Variants in ZNF711 observed in about 807,000 individuals in gnomAD.
The protein encoded by ZNF711 is zinc finger protein 711.
A neutral mutation model predicts 43.5 loss-of-function variants in ZNF711; 3 were observed. The ratio of observed to expected loss-of-function variants is 0.07; its 90% confidence interval spans 0.03 to 0.18. The LOEUF (loss-of-function observed/expected upper bound fraction) is 0.18, where lower values mean the gene tolerates loss of function less well. ZNF711 is among the 10% of genes least tolerant of loss of function. The pLI, the probability that ZNF711 is intolerant of heterozygous loss-of-function variation, is 1.00. For missense variants in ZNF711, 412 were observed against 604.0 expected (o/e 0.68, Z 3.33); for synonymous variants, 209 against 207.7 (o/e 1.01, Z -0.06).
intron 2 of ZNF711, 122 bp downstream of exon 2, chrX:85,246,144 C>T (rs1299406991): frequency 8.9e-6 from 1 of 112,091 alleles, no homozygotes; most frequent in African/African-American, 3.2e-5. Context: ...AGTAATTACT[C>T]TAATTAAAAT....
chrX:85,251,281 T>A (rs73627340), intron 4 of ZNF711, among the ~76,000 whole-genome samples: 2,130 of 112,000 alleles, frequency 0.019, 47 homozygotes, highest in African/African-American at 0.065. Context: ...CCAATTTATT[T>A]TGAAGAATAT....
At chrX:85,256,462 T>C (rs949418992) in intron 5 of ZNF711, among the ~76,000 whole-genome samples, 1 of 111,997 alleles carries the variant, frequency 8.9e-6, no homozygotes, top group African/African-American at 3.2e-5. Flanking sequence ...AAATAAAAAA[T>C]ATCTTGATAA....
chrX:85,251,024 C>G (rs764678160), intron 4 of ZNF711, among the ~76,000 whole-genome samples: 9 of 111,272 alleles, frequency 8.1e-5, no homozygotes, highest in African/African-American at 2.9e-4. Flanking sequence ...ATTTTACCTC[C>G]CTGTTAAAAT....
intron 5 of ZNF711, among the ~76,000 whole-genome samples, chrX:85,260,168 T>G (rs1436252462): frequency 9.0e-6 from 1 of 111,569 alleles, no homozygotes; most frequent in Non-Finnish European, 1.9e-5. Flanking sequence ...TTTTTGCTTG[T>G]AATTCTGTTT....
intron 8 of ZNF711, 105 bp from the exon 9 acceptor site, chrX:85,268,189 G>A: frequency 2.0e-6 from 2 of 996,095 alleles, no homozygotes; most frequent in Non-Finnish European, 2.7e-6. Context: ...CCAAGGAATG[G>A]TGGGCAAAGT....
rs192237599 is a variant in ZNF711 at position 85,250,359 on chromosome X, G to A, written c.79+2708G>A. On this transcript the variant is annotated intron_variant, in intron 4 of 10. Transcript: ENST00000674551. Reference sequence around the variant, plus strand: ...TAAATATGTAGAAAGTAAGATTTTCGTTCACTATCCCCTCCCTTTTTAGAA... The same window carrying A: ...TAAATATGTAGAAAGTAAGATTTTCATTCACTATCCCCTCCCTTTTTAGAA... Among the ~76,000 whole-genome samples, 350 of 111,193 alleles carry A rather than the reference G, an allele frequency of 3.1e-3. 1 individual carries two copies. The highest frequency in any genetic ancestry group is 0.011 in the African/African-American group (337 of 30,681).
At chrX:85,256,641 GTGTGTGTA>G (rs1930170334) in intron 5 of ZNF711, among the ~76,000 whole-genome samples, 1 of 111,079 alleles carries the variant, frequency 9.0e-6, no homozygotes, top group Non-Finnish European at 1.9e-5. Context: ...GGTAGAGTGT[GTGTGTGTA>G]TGTGTGTATA....
intron 5 of ZNF711, among the ~76,000 whole-genome samples, chrX:85,259,506 T>A (rs1930455255): frequency 8.9e-6 from 1 of 111,844 alleles, no homozygotes; most frequent in Non-Finnish European, 1.9e-5. Flanking sequence ...ATTTTAATGA[T>A]ATTGATTCTT....
intron 5 of ZNF711, among the ~76,000 whole-genome samples, chrX:85,263,156 G>T (rs1602989054): frequency 9.1e-6 from 1 of 110,382 alleles, no homozygotes; most frequent in African/African-American, 3.3e-5. Flanking sequence ...TATTTAGGAG[G>T]CATATATTGT....
At chrX:85,266,866 A>G (rs1414418120) in intron 7 of ZNF711, among the ~76,000 whole-genome samples, 1 of 107,141 alleles carries the variant, frequency 9.3e-6, no homozygotes, top group Non-Finnish European at 1.9e-5. Flanking sequence ...TTACATGTAT[A>G]GTACTGCATT....
At chrX:85,250,291 G>T (rs1929445824) in intron 4 of ZNF711, among the ~76,000 whole-genome samples, 1 of 110,910 alleles carries the variant, frequency 9.0e-6, no homozygotes, top group African/African-American at 3.3e-5. Flanking sequence ...GAATTGAGGA[G>T]AATATATATA....
At chrX:85,256,901 G>A (rs1930191635) in intron 5 of ZNF711, among the ~76,000 whole-genome samples, 1 of 111,149 alleles carries the variant, frequency 9.0e-6, no homozygotes, top group African/African-American at 3.3e-5. Context: ...ATCTTAACGT[G>A]GCATTTTTTA....
At position 85,255,337 on chromosome X, in the gene ZNF711, A is replaced by G. The variant is rs1177498739; in HGVS notation, c.158A>G (p.Asp53Gly). 6 of 1,209,572 alleles carry G rather than the reference A, an allele frequency of 5.0e-6. No individual in the cohort carries two copies. Among genetic ancestry groups the G allele is most frequent in the Non-Finnish European group, 6.7e-6 (6 of 895,043 alleles). ...VSVPEAVLVS[D>G]VVTDDGITLD... Reference sequence around the variant, plus strand: ...GTTCCTGAAGCTGTTTTAGTTTCTGATGTTGTCACAGATGATGGGATAACT... The same window carrying G: ...GTTCCTGAAGCTGTTTTAGTTTCTGGTGTTGTCACAGATGATGGGATAACT... The change falls in exon 5 of 11, where the codon GAT (aspartate) becomes GGT (glycine). Residue 53 changes from aspartate (D) to glycine (G), a missense_variant. Coordinates refer to ENST00000674551, the MANE Select transcript of ZNF711 (RefSeq NM_001330574.2).
chrX:85,269,247 A>G (rs1481051946), intron 9 of ZNF711, among the ~76,000 whole-genome samples: 1 of 111,545 alleles, frequency 9.0e-6, no homozygotes, highest in Non-Finnish European at 1.9e-5. Flanking sequence ...GTTCAGTAAT[A>G]TGTCTACATT....
rs766134930 is a variant in ZNF711, at chrX:85,255,346, C to T, written c.167C>T (p.Thr56Ile). The change falls in exon 5 of 11, where the codon ACA becomes ATA. Residue 56 changes from threonine to isoleucine, a missense_variant. Physicochemically the swap from Thr to Ile is moderately conservative, Grantham distance 89. Around this residue, in one of 4 missense-constraint regions of ZNF711, gnomAD observed 375 missense variants for 514.2 expected, o/e 0.73. Transcript: ENST00000674551. ...GCTGTTTTAGTTTCTGATGTTGTCA[C>T]AGATGATGGGATAACTCTTGATCAT... ...PEAVLVSDVVTDDGITLDHGL... is the reference protein window; with the variant it reads ...PEAVLVSDVVIDDGITLDHGL... 2.5e-6 allele frequency: 3 copies of T among 1,211,418 alleles called. No individual in the cohort carries two copies. Among genetic ancestry groups the T allele is most frequent in the South Asian group, 1.8e-5 (1 of 56,985 alleles).
intron 5 of ZNF711, among the ~76,000 whole-genome samples, chrX:85,260,792 G>A (rs760049151): frequency 9.0e-6 from 1 of 110,527 alleles, no homozygotes; most frequent in Non-Finnish European, 1.9e-5. Flanking sequence ...CAATGCAGGG[G>A]TTAAGGGTGC....
At chrX:85,262,903 C>T (rs1018900931) in intron 5 of ZNF711, among the ~76,000 whole-genome samples, 2 of 110,727 alleles carry the variant, frequency 1.8e-5, no homozygotes, top group African/African-American at 6.5e-5. Context: ...AAAATCTAGA[C>T]TTTGACCCAT....
intron 4 of ZNF711, 57 bp downstream of exon 4, chrX:85,247,708 A>G: frequency 1.0e-6 from 1 of 968,779 alleles, no homozygotes; most frequent in Non-Finnish European, 1.5e-6. Flanking sequence ...GGATAATAAA[A>G]ATCAAAAATA....
intron 4 of ZNF711, among the ~76,000 whole-genome samples, chrX:85,248,155 C>T (rs1280572162): frequency 3.2e-5 from 3 of 93,571 alleles, no homozygotes; most frequent in African/African-American, 1.3e-4. Context: ...ATACATTTTT[C>T]TTTCTCTTTT....
Sources: allele counts gnomAD v4.1 joint callset (sites outside exome capture counted in the v4.1 genomes callset), GRCh38; gene constraint gnomAD v4.1.1; regional missense constraint gnomAD v4.1.1; transcripts MANE v1.5; gene names NCBI Gene and HGNC (gene_info 2026-07-23, HGNC 2026-07-21).